Variants in DEK observed in about 807,000 individuals in gnomAD.
The protein encoded by DEK is protein DEK.
A neutral mutation model predicts 46.8 loss-of-function variants in DEK; 28 were observed. The observed-to-expected ratio is 0.60, with a 90% confidence interval of 0.44 to 0.82. The LOEUF (loss-of-function observed/expected upper bound fraction) is 0.82, where lower values mean the gene tolerates loss of function less well. Ranked by LOEUF, DEK falls within the 40% of genes least tolerant of loss-of-function variation. The pLI is 0.00. For synonymous variants in DEK, 160 were observed against 144.5 expected (o/e 1.11, Z -0.77); for missense variants, 416 against 430.6 (o/e 0.97, Z 0.30).
intron 5 of DEK, 26 bp from the exon 6 acceptor site, chr6:18,255,877 AG>A (rs773088356): frequency 6.3e-7 from 1 of 1,588,398 alleles, no homozygotes; most frequent in Non-Finnish European, 8.5e-7. Context: ...GAAGAAACCA[AG>A]GTGTTAATAT....
intron 7 of DEK, among the ~76,000 whole-genome samples, chr6:18,238,483 G>A (rs1463854602): frequency 6.6e-6 from 1 of 151,898 alleles, no homozygotes; most frequent in Admixed American, 6.6e-5. Context: ...CGGATCATGA[G>A]ATCAAGAGAC....
At chr6:18,230,710 G>C in intron 9 of DEK, among the ~76,000 whole-genome samples, 1 of 152,158 alleles carries the variant, frequency 6.6e-6, no homozygotes, top group South Asian at 2.1e-4. Flanking sequence ...CAATACAGGA[G>C]CACCCAGATT....
In DEK at chr6:18,237,450, C is replaced by T. The variant is rs1790704726; in HGVS notation, c.829G>A (p.Val277Met). The T allele has an allele frequency of 1.9e-6, 3 of 1,611,472 alleles. No homozygotes were observed. The highest frequency in any genetic ancestry group is 1.3e-5 in the African/African-American group (1 of 74,640). The change falls in exon 8 of 11, where the codon GTG becomes ATG. Residue 277 changes from valine (V) to methionine (M), a missense_variant. Physicochemically the swap from Val to Met is conservative, Grantham distance 21. Coordinates refer to ENST00000652689, the MANE Select transcript of DEK (RefSeq NM_003472.4). Reference sequence around the variant, plus strand: ...GCTTTCTTAACATTGGCACTTTTCACAGATTTTTTACTTTTAGAAGTAGCT... The same window carrying T: ...GCTTTCTTAACATTGGCACTTTTCATAGATTTTTTACTTTTAGAAGTAGCT... The part of the protein sequence containing the change: ...QKATSKSKKS[V>M]KSANVKKADS...
intron 9 of DEK, among the ~76,000 whole-genome samples, chr6:18,227,183 A>G (rs962793871): frequency 3.3e-5 from 5 of 152,124 alleles, no homozygotes; most frequent in African/African-American, 1.2e-4. Flanking sequence ...GAGGAGGGTT[A>G]GTATAAGAGG....
At chr6:18,255,956 T>C in intron 5 of DEK, 105 bp from the exon 6 acceptor site, 1 of 1,311,018 alleles carries the variant, frequency 7.6e-7, no homozygotes, top group Middle Eastern at 1.9e-4. Context: ...GTTACATACA[T>C]TTAAAAAAGT....
At chr6:18,257,198 T>A (rs575486154) in intron 4 of DEK, among the ~76,000 whole-genome samples, 39 of 152,322 alleles carry the variant, frequency 2.6e-4, no homozygotes, top group African/African-American at 8.9e-4. Context: ...ATGAGATTTG[T>A]ATGAGATACA....
chr6:18,225,450 TA>T lies in DEK; in HGVS notation c.*268del. 9.8e-6 allele frequency: 4 copies of T among 407,852 alleles called. No homozygotes were observed. The highest frequency in any genetic ancestry group is 1.3e-5 in the Non-Finnish European group (3 of 227,890). The allele number at this position is 407,852 out of a possible 1,614,324, so 25.3% of individuals were successfully genotyped here. On this transcript the variant is annotated 3_prime_UTR_variant, in exon 11 of 11. Transcript: ENST00000652689. The stretch of plus-strand genomic sequence containing the variant: ...CAGCTCAAGAATCTATGACCTTATA[TA>T]AAGAAATCCAAAATGTACAAAATAC...
chr6:18,264,160 T>A (rs971140783), intron 1 of DEK, 164 bp from the exon 2 acceptor site: 21 of 523,658 alleles, frequency 4.0e-5, no homozygotes, highest in Non-Finnish European at 5.8e-5. Flanking sequence ...GCGGCTTCCC[T>A]CCCGCTCCGC....
intron 7 of DEK, among the ~76,000 whole-genome samples, chr6:18,243,599 C>G (rs1259769749): frequency 6.6e-6 from 1 of 152,166 alleles, no homozygotes; most frequent in Non-Finnish European, 1.5e-5. Context: ...CCTCTCCATT[C>G]CCAAGGTCAA....
At chr6:18,233,088 C>T (rs558805249) in intron 9 of DEK, among the ~76,000 whole-genome samples, 1 of 152,230 alleles carries the variant, frequency 6.6e-6, no homozygotes, top group African/African-American at 2.4e-5. Flanking sequence ...CTGACAAAAA[C>T]AAGAAATGGG....
chr6:18,259,110 A>AC (rs1425870861), intron 2 of DEK, among the ~76,000 whole-genome samples: 1 of 151,716 alleles, frequency 6.6e-6, no homozygotes, highest in Non-Finnish European at 1.5e-5. Flanking sequence ...GCGGGCGGAT[A>AC]ACGAGGTCAG....
intron 9 of DEK, among the ~76,000 whole-genome samples, chr6:18,234,184 T>G: frequency 8.2e-6 from 1 of 122,464 alleles, no homozygotes; most frequent in Admixed American, 9.1e-5. Flanking sequence ...TCGGGGCCTG[T>G]TGTGGGGTGG....
chr6:18,250,430 C>A (rs1383469186), intron 6 of DEK, among the ~76,000 whole-genome samples: 1 of 152,116 alleles, frequency 6.6e-6, no homozygotes, highest in Non-Finnish European at 1.5e-5. Flanking sequence ...GATCGCGCCA[C>A]TGCAGTCCAG....
intron 7 of DEK, chr6:18,244,530 C>T: frequency 7.8e-7 from 1 of 1,288,950 alleles, no homozygotes; most frequent in Non-Finnish European, 1.0e-6. Context: ...GGCAGCAGGG[C>T]TCTTGAAGGA....
At chr6:18,259,102 G>A (rs988766403) in intron 2 of DEK, among the ~76,000 whole-genome samples, 23 of 151,602 alleles carry the variant, frequency 1.5e-4, no homozygotes, top group Non-Finnish European at 2.4e-4. Flanking sequence ...AGGCTGAGGC[G>A]GGCGGATAAC....
intron 8 of DEK, chr6:18,236,993 A>C (rs888800395): frequency 5.3e-6 from 1 of 188,898 alleles, no homozygotes; most frequent in African/African-American, 2.4e-5. Flanking sequence ...CTGGGGGGCC[A>C]AGATAGGAGA....
intron 8 of DEK, 151 bp downstream of exon 8, chr6:18,237,230 A>G (rs1790693797): frequency 1.2e-6 from 1 of 864,268 alleles, no homozygotes; most frequent in Non-Finnish European, 1.6e-6. Context: ...TGTCCCAAGC[A>G]TTTCAGATAA....
chr6:18,242,609 C>A (rs1790937536), intron 7 of DEK, among the ~76,000 whole-genome samples: 1 of 152,146 alleles, frequency 6.6e-6, no homozygotes, highest in Non-Finnish European at 1.5e-5. Flanking sequence ...TGTAGATGCT[C>A]CCAGAACCTT....
rs1048772257 is a variant in DEK, at chr6:18,258,978, G to C, written c.146-573C>G. ...TCAACTGGGAGAGCATTACTTTGTAGTTTATGAATAACATTCCTAATGATG... is the reference window on the plus strand; with the variant it reads ...TCAACTGGGAGAGCATTACTTTGTACTTTATGAATAACATTCCTAATGATG... On this transcript the variant is annotated intron_variant, in intron 2 of 10. Coordinates refer to ENST00000652689, the MANE Select transcript of DEK (RefSeq NM_003472.4). Among the ~76,000 whole-genome samples the C allele has an allele frequency of 4.6e-5, 7 of 152,286 alleles. No homozygotes were observed. The South Asian group carries it at 1.5e-3, about 32-fold the overall frequency.
Sources: gnomAD v4.1 joint callset for allele counts (sites outside exome capture counted in the v4.1 genomes callset) on GRCh38, gnomAD v4.1.1 for gene constraint, MANE v1.5 for transcripts, NCBI Gene and HGNC (gene_info 2026-07-23, HGNC 2026-07-21) for gene names.